DCC: variants seen among roughly 807,000 people sequenced by gnomAD.
DCC encodes the protein netrin receptor DCC.
DCC carries 58 observed loss-of-function variants against 172.5 expected under a neutral mutation model. That is an observed-to-expected ratio of 0.34 (90% CI 0.27 to 0.42). The LOEUF (loss-of-function observed/expected upper bound fraction) is 0.42. Ranked by LOEUF, DCC falls within the 10% of genes least tolerant of loss-of-function variation. The pLI, the probability that DCC is intolerant of heterozygous loss-of-function variation, is 1.00. For missense variants in DCC, 1,740 were observed against 1,791.0 expected, an observed-to-expected ratio of 0.97 and a Z score of 0.51; for synonymous variants, 709 against 644.5, an observed-to-expected ratio of 1.10 and a Z score of -1.52.
chr18:53,402,153 C>T (rs909868641), intron 18 of DCC, among the ~76,000 whole-genome samples: 3 of 151,984 alleles, frequency 2.0e-5, no homozygotes, highest in Non-Finnish European at 2.9e-5. Flanking sequence ...TTATAAATGC[C>T]TGCAGTTGTA....
chr18:53,266,704 G>A (rs2056679609), intron 12 of DCC, among the ~76,000 whole-genome samples: 1 of 151,672 alleles, frequency 6.6e-6, no homozygotes, highest in Non-Finnish European at 1.5e-5. Flanking sequence ...TTCAGCCATA[G>A]GTAACCACTA....
chr18:53,247,043 G>A (rs2056373459), intron 12 of DCC, among the ~76,000 whole-genome samples: 1 of 152,024 alleles, frequency 6.6e-6, no homozygotes, highest in Non-Finnish European at 1.5e-5. Context: ...GGGAGCATCT[G>A]GGAAGACTCA....
chr18:53,429,627 G>C (rs1444548056), intron 21 of DCC, among the ~76,000 whole-genome samples: 1 of 151,908 alleles, frequency 6.6e-6, no homozygotes, highest in African/African-American at 2.4e-5. Context: ...TGGCATATTT[G>C]GTTTTCTTGC....
At chr18:52,420,064 G>A (rs79496947) in intron 1 of DCC, among the ~76,000 whole-genome samples, 2,083 of 152,220 alleles carry the variant, frequency 0.014, 45 homozygotes, top group African/African-American at 0.046. Context: ...TTCAACCTCT[G>A]ACAAAGTTGT....
chr18:53,128,856 CACACACACACACACATATATAT>C (rs1292378340), intron 7 of DCC, among the ~76,000 whole-genome samples: 45 of 74,894 alleles, frequency 6.0e-4, no homozygotes, highest in African/African-American at 2.3e-3. Context: ...CACACACACA[CACACACACACACACATATATAT>C]ATATATATAT....
chr18:52,618,768 C>G (rs1474171707), intron 1 of DCC, among the ~76,000 whole-genome samples: 1 of 152,094 alleles, frequency 6.6e-6, no homozygotes, highest in Non-Finnish European at 1.5e-5. Flanking sequence ...ATTGCTTTAC[C>G]TTCTTTTCAG....
chr18:53,003,597 G>T (rs2041599221), intron 5 of DCC, among the ~76,000 whole-genome samples: 1 of 152,120 alleles, frequency 6.6e-6, no homozygotes, highest in Admixed American at 6.6e-5. Context: ...GAAGAGAGTG[G>T]CTGTCCAAAG....
chr18:53,205,420 G>T (rs965838935), intron 10 of DCC, 56 bp downstream of exon 10: 2 of 1,564,896 alleles, frequency 1.3e-6, no homozygotes, highest in Admixed American at 1.7e-5. Context: ...CCATCCATTG[G>T]ATAGCTCTAG....
chr18:52,757,768 C>T (rs13381403), intron 2 of DCC, among the ~76,000 whole-genome samples: 2 of 151,974 alleles, frequency 1.3e-5, no homozygotes, highest in African/African-American at 4.8e-5. Flanking sequence ...AAGTGAATCT[C>T]TATACATTAC....
chr18:52,497,256 G>A (rs1469826961), intron 1 of DCC, among the ~76,000 whole-genome samples: 1 of 18,168 alleles, frequency 5.5e-5, no homozygotes, highest in Non-Finnish European at 1.2e-4. Flanking sequence ...GTGAGACCCT[G>A]TATCAAAAAA....
chr18:53,488,298 C>T (rs986707592), intron 26 of DCC, among the ~76,000 whole-genome samples: 1 of 151,932 alleles, frequency 6.6e-6, no homozygotes, highest in Admixed American at 6.6e-5. Flanking sequence ...TCTTTTAAGC[C>T]TGAGAGGTGG....
chr18:53,424,474 G>T (rs1910796262), intron 21 of DCC, among the ~76,000 whole-genome samples: 1 of 152,234 alleles, frequency 6.6e-6, no homozygotes, highest in Non-Finnish European at 1.5e-5. Flanking sequence ...AACACTTCCA[G>T]TCCAGTATGA....
intron 7 of DCC, among the ~76,000 whole-genome samples, chr18:53,121,099 T>C (rs2043477316): frequency 6.6e-6 from 1 of 151,818 alleles, no homozygotes; most frequent in Non-Finnish European, 1.5e-5. Flanking sequence ...AAGTTAAGGA[T>C]AGTGAGATGC....
At chr18:52,739,693 G>T (rs1248646588) in intron 1 of DCC, among the ~76,000 whole-genome samples, 1 of 152,188 alleles carries the variant, frequency 6.6e-6, no homozygotes, top group Non-Finnish European at 1.5e-5. Context: ...CTAGCTCTAA[G>T]GTACTACCGG....
chr18:52,442,710 T>C (rs1382260465), intron 1 of DCC, among the ~76,000 whole-genome samples: 1 of 152,218 alleles, frequency 6.6e-6, no homozygotes, highest in Non-Finnish European at 1.5e-5. Flanking sequence ...TGCCAAAACA[T>C]TTGTAGATTT....
intron 5 of DCC, among the ~76,000 whole-genome samples, chr18:52,969,572 G>C (rs2040989316): frequency 1.1e-5 from 1 of 90,614 alleles, no homozygotes; most frequent in Non-Finnish European, 2.4e-5. Flanking sequence ...TTCCTTATTT[G>C]CCCCGCCCCC....
intron 12 of DCC, among the ~76,000 whole-genome samples, chr18:53,239,302 C>T (rs2056253998): frequency 6.6e-6 from 1 of 151,316 alleles, no homozygotes; most frequent in Non-Finnish European, 1.5e-5. Flanking sequence ...GAAGAAAAAC[C>T]TAAAGAATAG....
intron 12 of DCC, among the ~76,000 whole-genome samples, chr18:53,262,549 C>T (rs534172510): frequency 1.8e-3 from 278 of 152,298 alleles, no homozygotes; most frequent in Non-Finnish European, 3.3e-3. Context: ...ATATTTAAAA[C>T]ATGCAGTGAG....
intron 1 of DCC, among the ~76,000 whole-genome samples, chr18:52,722,570 A>G (rs1483344243): frequency 1.3e-5 from 2 of 152,218 alleles, no homozygotes; most frequent in African/African-American, 4.8e-5. Context: ...TAGCTTTAAC[A>G]TACTTAAGTC....
Sources: allele counts gnomAD v4.1 joint callset (sites outside exome capture counted in the v4.1 genomes callset), GRCh38; gene constraint gnomAD v4.1.1; transcripts MANE v1.5; gene names NCBI Gene and HGNC (gene_info 2026-07-23, HGNC 2026-07-21).